The following DOCK1 variants were observed in gnomAD, a reference collection of about 807,000 sequenced individuals.
DOCK1 encodes dedicator of cytokinesis protein 1.
A neutral mutation model predicts 262.7 loss-of-function variants in DOCK1; 138 were observed. That is an observed-to-expected ratio of 0.53 (90% CI 0.46 to 0.61). The LOEUF is 0.61. Ranked by LOEUF, DOCK1 falls within the 20% of genes least tolerant of loss-of-function variation. The probability of loss-of-function intolerance (pLI) is 0.00; values close to 1 mark genes in which losing one functional copy is unlikely to be tolerated. For missense variants in DOCK1, 1,908 were observed against 2,370.7 expected, an observed-to-expected ratio of 0.80 and a Z score of 4.05; for synonymous variants, 866 against 867.4, an observed-to-expected ratio of 1.00 and a Z score of 0.03.
intron 29 of DOCK1, among the ~76,000 whole-genome samples, chr10:127,261,711 G>C (rs2060135307): frequency 6.9e-6 from 1 of 145,872 alleles, no homozygotes; most frequent in African/African-American, 2.6e-5. Context: ...GTACCTGCAT[G>C]TGTGTGCATG....
intron 29 of DOCK1, among the ~76,000 whole-genome samples, chr10:127,284,329 A>G (rs1590268198): frequency 6.6e-6 from 1 of 152,138 alleles, no homozygotes; most frequent in African/African-American, 2.4e-5. Context: ...ATATCTTTCC[A>G]TCTTTTTTAA....
Position 127,415,180 on chromosome 10 carries a change from C to A in DOCK1, c.4457C>A (p.Thr1486Lys), listed in dbSNP as rs757362875. 1.2e-6 allele frequency: 2 copies of A among 1,613,390 alleles called. No homozygotes were observed. Among genetic ancestry groups the A allele is most frequent in the South Asian group, 1.1e-5 (1 of 90,618 alleles). Residue 1486 changes from threonine (T) to lysine (K), a missense_variant, in exon 44 of 52, where the codon ACA becomes AAA. This residue lies in a region of DOCK1 where 267 missense variants were observed against 366.3 expected (regional missense o/e 0.73). Coordinates refer to ENST00000623213, the MANE Select transcript of DOCK1 (RefSeq NM_001290223.2). ...ANMWIERTIYTTAYKLPGILR... is the reference protein window; with the variant it reads ...ANMWIERTIYKTAYKLPGILR... ...ATGTGGATCGAGAGAACCATATATA[C>A]AACTGCATATAAATTACCTGGAATT...
intron 44 of DOCK1, among the ~76,000 whole-genome samples, 156 bp from the exon 45 acceptor site, chr10:127,418,209 A>G (rs1048786077): frequency 6.6e-6 from 1 of 152,132 alleles, no homozygotes. Context: ...GGAACAAACA[A>G]TAATAATAAA....
intron 33 of DOCK1, among the ~76,000 whole-genome samples, chr10:127,366,683 G>A (rs1043997621): frequency 1.2e-4 from 18 of 152,216 alleles, no homozygotes; most frequent in African/African-American, 3.6e-4. Flanking sequence ...TGATGTGGGC[G>A]AATGTGTAGA....
chr10:127,024,172 G>T (rs1275919441), intron 14 of DOCK1, among the ~76,000 whole-genome samples: 2 of 152,212 alleles, frequency 1.3e-5, no homozygotes, highest in African/African-American at 4.8e-5. Flanking sequence ...CTAAGGCTCA[G>T]TGTCGCCAAG....
intron 29 of DOCK1, among the ~76,000 whole-genome samples, chr10:127,322,987 C>T (rs1307374491): frequency 6.6e-6 from 1 of 152,188 alleles, no homozygotes; most frequent in Non-Finnish European, 1.5e-5. Flanking sequence ...AGAAAGCATG[C>T]TGTAGAGGAT....
intron 1 of DOCK1, among the ~76,000 whole-genome samples, chr10:126,935,938 C>T (rs1377812500): frequency 6.6e-6 from 1 of 152,214 alleles, no homozygotes; most frequent in African/African-American, 2.4e-5. Flanking sequence ...TGTGTGAGCA[C>T]TGTTGCAAAA....
chr10:127,175,893 T>C lies in DOCK1; in HGVS notation c.2847+48129T>C. 2 of 1,614,194 alleles carry C rather than the reference T, an allele frequency of 1.2e-6. No homozygotes were observed. Among genetic ancestry groups the C allele is most frequent in the Non-Finnish European group, 1.7e-6 (2 of 1,180,034 alleles). ...ATGGAAAACCAAGGCTGTGGTCTTG[T>C]GCACCCGCCCCGCGCCACATGGCCG... On this transcript the variant is annotated intron_variant, in intron 27 of 51. Transcript: ENST00000623213. This position sits in a 1 kb window ranked among gnomAD's most constrained non-coding sequence, Gnocchi z 6.3.
chr10:126,971,851 C>A (rs374110655), intron 2 of DOCK1, among the ~76,000 whole-genome samples: 21 of 152,078 alleles, frequency 1.4e-4, no homozygotes, highest in African/African-American at 5.1e-4. Flanking sequence ...ACCTGTAATC[C>A]CCATTTTCTT....
intron 27 of DOCK1, among the ~76,000 whole-genome samples, chr10:127,209,894 C>A (rs1485482211): frequency 6.6e-6 from 1 of 152,138 alleles, no homozygotes; most frequent in Non-Finnish European, 1.5e-5. Context: ...CAGAGACATT[C>A]CGTTGAGAGC....
intron 29 of DOCK1, among the ~76,000 whole-genome samples, chr10:127,323,685 G>A (rs1385640797): frequency 6.6e-6 from 1 of 152,186 alleles, no homozygotes. Flanking sequence ...CCTACGAGCT[G>A]AGTAACCTGG....
At chr10:126,956,293 G>A (rs2036733125) in intron 1 of DOCK1, among the ~76,000 whole-genome samples, 1 of 152,230 alleles carries the variant, frequency 6.6e-6, no homozygotes, top group Non-Finnish European at 1.5e-5. Flanking sequence ...CTGGAAGCCT[G>A]AGATTTCACC....
chr10:127,257,541 C>A, intron 29 of DOCK1, 112 bp downstream of exon 29: 3 of 935,508 alleles, frequency 3.2e-6, no homozygotes, highest in Non-Finnish European at 4.9e-6. Context: ...GCTCTGCAAA[C>A]GCTGTTCCTA....
At chr10:127,235,940 C>G (rs2134624420) in intron 27 of DOCK1, among the ~76,000 whole-genome samples, 1 of 152,160 alleles carries the variant, frequency 6.6e-6, no homozygotes, top group South Asian at 2.1e-4. Context: ...TATCTGCTCA[C>G]ATTTTTTGCC....
intron 12 of DOCK1, among the ~76,000 whole-genome samples, chr10:127,017,240 TACAG>T (rs1302272202): frequency 2.9e-5 from 4 of 136,494 alleles, no homozygotes; most frequent in East Asian, 4.5e-4. Context: ...CACACACAGA[TACAG>T]ACAGCCCCTT....
chr10:126,931,559 T>C (rs2034188470), intron 1 of DOCK1, among the ~76,000 whole-genome samples: 3 of 152,176 alleles, frequency 2.0e-5, no homozygotes, highest in Non-Finnish European at 4.4e-5. Context: ...TGGAGAGGCA[T>C]GGATAGAATC....
At chr10:127,061,328 C>T (rs2045515857) in intron 22 of DOCK1, among the ~76,000 whole-genome samples, 1 of 152,108 alleles carries the variant, frequency 6.6e-6, no homozygotes. Flanking sequence ...CTGAATTTCC[C>T]CATCCTCTTT....
At chr10:126,973,577 A>C (rs1306461153) in intron 2 of DOCK1, among the ~76,000 whole-genome samples, 15 of 152,192 alleles carry the variant, frequency 9.9e-5, no homozygotes, top group Admixed American at 9.8e-4. Flanking sequence ...AAAATATTTC[A>C]GTCTTTGTAA....
At chr10:126,963,578 T>TCCCTCCCTTC (rs2037393611) in intron 1 of DOCK1, among the ~76,000 whole-genome samples, 1 of 103,858 alleles carries the variant, frequency 9.6e-6, no homozygotes, top group Non-Finnish European at 2.1e-5. Context: ...TCCCTCTCCT[T>TCCCTCCCTTC]CCCTCCCTTC....
Sources: allele counts gnomAD v4.1 joint callset (sites outside exome capture counted in the v4.1 genomes callset), GRCh38; gene constraint gnomAD v4.1.1; regional missense constraint gnomAD v4.1.1; non-coding constraint Gnocchi (gnomAD v3.1); transcripts MANE v1.5; gene names NCBI Gene and HGNC (gene_info 2026-07-23, HGNC 2026-07-21).